The following LUZP2 variants were observed in gnomAD, a reference collection of about 807,000 sequenced individuals.
LUZP2 encodes the protein leucine zipper protein 2.
In LUZP2, 52 loss-of-function variants were observed where a neutral mutation model predicts 51.6. The observed-to-expected ratio is 1.01, with a 90% CI of 0.81 to 1.27. LUZP2 has a LOEUF of 1.27. Among genes scored for constraint, LUZP2 ranks in the 50% most tolerant of loss-of-function variants. LUZP2 has a pLI of 0.00. For missense variants in LUZP2, 436 were observed against 395.4 expected, an observed-to-expected ratio of 1.10 and a Z score of -0.87; for synonymous variants, 154 against 137.3, an observed-to-expected ratio of 1.12 and a Z score of -0.85.
In LUZP2 at chr11:24,978,206, A is replaced by T. The variant is rs572380465; in HGVS notation, c.597+1541A>T. 1.8e-3 allele frequency among the ~76,000 whole-genome samples: 267 copies of T among 151,758 alleles called. 2 individuals carry two copies. Among genetic ancestry groups the T allele is most frequent in the African/African-American group, 6.1e-3 (255 of 41,484 alleles). On this transcript the variant is annotated intron_variant, in intron 8 of 11. Coordinates refer to ENST00000336930, the MANE Select transcript of LUZP2 (RefSeq NM_001009909.4). ...TAAGATCCCAGCATTATAAGATTTT[A>T]AAAAAATTTATATAAAACAAATTTA...
intron 7 of LUZP2, among the ~76,000 whole-genome samples, chr11:24,928,117 T>C (rs1854333857): frequency 6.6e-6 from 1 of 152,116 alleles, no homozygotes; most frequent in South Asian, 2.1e-4. Context: ...TGAATTTAAT[T>C]ATCAGTTCTA....
chr11:24,991,392 GTGTGTATATATATA>G lies in LUZP2; in HGVS notation c.765+8101_765+8114del, dbSNP rs1454909374. ...TGTATATATATGTGTGTGTGTGTGT[GTGTGTATATATATA>G]TATATATATATATTCCATCATATAT... On this transcript the variant is annotated intron_variant, in intron 9 of 11. Transcript: ENST00000336930. Among the ~76,000 whole-genome samples, 17 of 104,548 alleles carry G rather than the reference GTGTGTATATATATA, an allele frequency of 1.6e-4. 1 individual carries two copies. The highest frequency in any genetic ancestry group is 2.7e-4 in the Non-Finnish European group (14 of 51,628). 68.6% of individuals were successfully genotyped at this position (104,548 alleles called of 152,430 possible).
At chr11:24,599,968 G>C (rs965296739) in intron 1 of LUZP2, among the ~76,000 whole-genome samples, 5 of 151,958 alleles carry the variant, frequency 3.3e-5, no homozygotes, top group Admixed American at 6.6e-5. Context: ...TTGTTTTCAA[G>C]TAAACTCATA....
chr11:24,898,096 G>T (rs942444697), intron 5 of LUZP2, among the ~76,000 whole-genome samples: 1 of 152,080 alleles, frequency 6.6e-6, no homozygotes, highest in African/African-American at 2.4e-5. Flanking sequence ...AAAAAAACTG[G>T]AATGTATTTT....
At chr11:24,908,899 G>T (rs12290449) in intron 6 of LUZP2, among the ~76,000 whole-genome samples, 1 of 151,384 alleles carries the variant, frequency 6.6e-6, no homozygotes, top group Non-Finnish European at 1.5e-5. Flanking sequence ...GGGACTATCG[G>T]ACTATTAGCC....
rs112862306 is a variant in LUZP2, at chr11:25,004,602, T to C, written c.765+21309T>C. The stretch of plus-strand genomic sequence containing the variant: ...ATTGACCCTCGAGTGATTAGGGTGA[T>C]AGGGGAGTATATTGTCTTAGGCCTC... On this transcript the variant is annotated intron_variant, in intron 9 of 11. Transcript: ENST00000336930. 1.3e-4 allele frequency among the ~76,000 whole-genome samples: 20 copies of C among 152,212 alleles called. 1 individual carries two copies. Among genetic ancestry groups the C allele is most frequent in the African/African-American group, 4.8e-4 (20 of 41,446 alleles).
chr11:24,677,027 A>T (rs1856580546), intron 1 of LUZP2, among the ~76,000 whole-genome samples: 1 of 152,198 alleles, frequency 6.6e-6, no homozygotes, highest in Admixed American at 6.5e-5. Flanking sequence ...TAATAACATT[A>T]AAAAATTTCA....
At chr11:24,700,580 GTT>G (rs59343292) in intron 1 of LUZP2, among the ~76,000 whole-genome samples, 17 of 150,332 alleles carry the variant, frequency 1.1e-4, no homozygotes, top group East Asian at 7.8e-4. Context: ...CAGAAATTGT[GTT>G]TTTTTTTTAA....
At chr11:24,600,604 G>A (rs560080632) in intron 1 of LUZP2, among the ~76,000 whole-genome samples, 4 of 151,976 alleles carry the variant, frequency 2.6e-5, no homozygotes, top group East Asian at 3.9e-4. Context: ...GTATTTTTCC[G>A]CAAATTATCA....
chr11:24,867,253 T>A (rs944263203), intron 5 of LUZP2, among the ~76,000 whole-genome samples: 1 of 152,112 alleles, frequency 6.6e-6, no homozygotes, highest in African/African-American at 2.4e-5. Flanking sequence ...GGATTTTAGG[T>A]TTGTAGCCCC....
chr11:25,000,344 C>G (rs539406782), intron 9 of LUZP2, among the ~76,000 whole-genome samples: 2 of 152,286 alleles, frequency 1.3e-5, no homozygotes, highest in South Asian at 4.1e-4. Context: ...GATGACTGCT[C>G]TAGCTACTTC....
At chr11:24,702,554 A>G (rs1346002447) in intron 1 of LUZP2, among the ~76,000 whole-genome samples, 1 of 152,214 alleles carries the variant, frequency 6.6e-6, no homozygotes, top group Non-Finnish European at 1.5e-5. Flanking sequence ...TGGTGAGAGC[A>G]GGAACCAGAG....
At chr11:24,874,797 A>G (rs1005787709) in intron 5 of LUZP2, among the ~76,000 whole-genome samples, 1 of 152,116 alleles carries the variant, frequency 6.6e-6, no homozygotes, top group Non-Finnish European at 1.5e-5. Flanking sequence ...AAAATGTGTT[A>G]TTTACCCCTT....
chr11:24,968,256 T>C (rs1453618161), intron 7 of LUZP2, among the ~76,000 whole-genome samples: 1 of 152,128 alleles, frequency 6.6e-6, no homozygotes, highest in Non-Finnish European at 1.5e-5. Flanking sequence ...GAACACACAG[T>C]AAATATTTTA....
At chr11:24,778,045 G>A (rs528666874) in intron 5 of LUZP2, among the ~76,000 whole-genome samples, 7 of 151,972 alleles carry the variant, frequency 4.6e-5, no homozygotes, top group African/African-American at 1.7e-4. Context: ...TCATAAAATG[G>A]ACCACTATCC....
intron 10 of LUZP2, among the ~76,000 whole-genome samples, chr11:25,052,158 A>G (rs1007107396): frequency 2.0e-5 from 3 of 152,214 alleles, no homozygotes; most frequent in Non-Finnish European, 2.9e-5. Context: ...CTTTTAGTAC[A>G]TAGAGTGCTC....
intron 1 of LUZP2, among the ~76,000 whole-genome samples, chr11:24,540,583 A>C (rs1367387946): frequency 6.6e-6 from 1 of 152,040 alleles, no homozygotes; most frequent in Non-Finnish European, 1.5e-5. Context: ...TGAGAAAATA[A>C]ATTTCTGTTG....
intron 1 of LUZP2, among the ~76,000 whole-genome samples, chr11:24,585,761 A>T (rs1853042366): frequency 6.6e-6 from 1 of 152,082 alleles, no homozygotes; most frequent in African/African-American, 2.4e-5. Flanking sequence ...AAAACTCTGA[A>T]TGAGCCGCTT....
intron 9 of LUZP2, among the ~76,000 whole-genome samples, chr11:24,994,058 A>G (rs1302761291): frequency 6.6e-6 from 1 of 151,664 alleles, no homozygotes; most frequent in Admixed American, 6.6e-5. Context: ...ATGGGGTTTC[A>G]CCATGTTAAT....
Sources: allele counts gnomAD v4.1 joint callset (sites outside exome capture counted in the v4.1 genomes callset), GRCh38; gene constraint gnomAD v4.1.1; transcripts MANE v1.5; gene names NCBI Gene and HGNC (gene_info 2026-07-23, HGNC 2026-07-21).